PPME1: variants seen among roughly 807,000 people sequenced by gnomAD.
PPME1 encodes protein phosphatase methylesterase 1, also known as testicular secretory protein Li 39.
PPME1 carries 17 observed loss-of-function variants against 56.9 expected under a neutral mutation model. That is an observed-to-expected ratio of 0.30 (90% CI 0.20 to 0.45). The LOEUF is 0.45. PPME1 is among the 20% of genes least tolerant of loss of function. PPME1 has a pLI of 1.00. For synonymous variants in PPME1, 122 were observed against 156.2 expected (o/e 0.78, Z 1.63); for missense variants, 357 against 483.2 (o/e 0.74, Z 2.45).
chr11:74,204,231 A>G (rs1376836559), intron 2 of PPME1, 122 bp from the exon 3 acceptor site: 1 of 688,024 alleles, frequency 1.5e-6, no homozygotes. Flanking sequence ...AAGTCTGCTT[A>G]CATCTCTTAC....
intron 1 of PPME1, among the ~76,000 whole-genome samples, chr11:74,187,968 C>G (rs1301819943): frequency 1.3e-5 from 2 of 152,142 alleles, no homozygotes; most frequent in African/African-American, 4.8e-5. Flanking sequence ...AAGTCAGAGC[C>G]TGAGAGATTT....
At chr11:74,174,490 C>CT (rs929991864) in intron 1 of PPME1, among the ~76,000 whole-genome samples, 1 of 152,204 alleles carries the variant, frequency 6.6e-6, no homozygotes, top group African/African-American at 2.4e-5. Flanking sequence ...TTCTTCCACT[C>CT]TATCTATGTT....
At chr11:74,242,975 C>G (rs761861317) in intron 9 of PPME1, among the ~76,000 whole-genome samples, 13 of 151,262 alleles carry the variant, frequency 8.6e-5, no homozygotes, top group Non-Finnish European at 1.8e-4. Flanking sequence ...TTGGGACTTG[C>G]ATTCAGTCAG....
intron 3 of PPME1, among the ~76,000 whole-genome samples, chr11:74,217,541 C>CAAAAAAAAAAAAAAAAAA (rs61139169): frequency 2.5e-5 from 2 of 79,034 alleles, no homozygotes; most frequent in Non-Finnish European, 2.4e-5. Context: ...GACTCCGTCT[C>CAAAAAAAAAAAAAAAAAA]AAAAAAAAAA....
At chr11:74,215,101 T>G (rs1858594043) in intron 3 of PPME1, among the ~76,000 whole-genome samples, 1 of 152,182 alleles carries the variant, frequency 6.6e-6, no homozygotes, top group African/African-American at 2.4e-5. Flanking sequence ...AATCCCGCAC[T>G]TTGGGAGGCC....
chr11:74,171,333 A>C lies in PPME1; in HGVS notation c.-89A>C. ...TGTCCAAAGGCGACAGGGCGTCGTTAGGGGAGCGAGTCGTGACCGGTTGGG... is the reference window on the plus strand; with the variant it reads ...TGTCCAAAGGCGACAGGGCGTCGTTCGGGGAGCGAGTCGTGACCGGTTGGG... On this transcript the variant is annotated 5_prime_UTR_variant, in exon 1 of 14. Coordinates refer to ENST00000328257, the MANE Select transcript of PPME1 (RefSeq NM_016147.3). 6.6e-7 allele frequency: 1 copy of C among 1,519,360 alleles called. No individual in the cohort carries two copies. The highest frequency in any genetic ancestry group is 8.8e-7 in the Non-Finnish European group (1 of 1,130,974). The allele number at this position is 1,519,360 out of a possible 1,614,324, so 94.1% of individuals were successfully genotyped here. A position where few individuals can be genotyped will look rare whatever the true frequency, so the allele number is the denominator to read the frequency against.
At chr11:74,251,118 C>T in intron 12 of PPME1, 100 bp downstream of exon 12, 1 of 1,530,868 alleles carries the variant, frequency 6.5e-7, no homozygotes, top group Admixed American at 2.0e-5. Context: ...TTGCCTGCAG[C>T]AGCTGCTGTG....
intron 1 of PPME1, among the ~76,000 whole-genome samples, chr11:74,190,749 T>C (rs1857814397): frequency 6.6e-6 from 1 of 152,202 alleles, no homozygotes; most frequent in Non-Finnish European, 1.5e-5. Flanking sequence ...AGGAAAAGTT[T>C]GGAACTTCTT....
chr11:74,251,843 C>T (rs773929044), intron 13 of PPME1, 128 bp downstream of exon 13: 3 of 1,164,484 alleles, frequency 2.6e-6, no homozygotes, highest in African/African-American at 1.5e-5. Flanking sequence ...TCTTCCTCCT[C>T]CTCAGTGAAG....
chr11:74,250,907 A>C, intron 11 of PPME1, 47 bp from the exon 12 acceptor site: 1 of 1,491,204 alleles, frequency 6.7e-7, no homozygotes, highest in Non-Finnish European at 9.2e-7. Context: ...TGCATAAGAG[A>C]GGGCTCTTTT....
chr11:74,204,553 CTATTCCAGGCA>C (rs1858275252), intron 3 of PPME1, 108 bp downstream of exon 3: 1 of 897,900 alleles, frequency 1.1e-6, no homozygotes, highest in African/African-American at 1.7e-5. Context: ...GCAGGAATTG[CTATTCCAGGCA>C]TACACACAGA....
intron 5 of PPME1, among the ~76,000 whole-genome samples, chr11:74,227,284 A>G (rs1192522386): frequency 6.6e-6 from 1 of 152,214 alleles, no homozygotes. Flanking sequence ...CTATTTTTGT[A>G]GAGTAGGCAA....
intron 1 of PPME1, among the ~76,000 whole-genome samples, chr11:74,176,508 A>G (rs1211928872): frequency 1.3e-5 from 2 of 152,056 alleles, no homozygotes; most frequent in South Asian, 2.1e-4. Flanking sequence ...TTTTAAATGT[A>G]CAATTCAGTG....
intron 3 of PPME1, among the ~76,000 whole-genome samples, chr11:74,212,949 CT>C (rs1447699906): frequency 6.6e-6 from 1 of 152,152 alleles, no homozygotes; most frequent in East Asian, 1.9e-4. Context: ...AGGAAGGACT[CT>C]TTCTGATTGA....
intron 3 of PPME1, among the ~76,000 whole-genome samples, chr11:74,219,346 A>C (rs935113032): frequency 1.4e-4 from 22 of 151,940 alleles, no homozygotes; most frequent in Non-Finnish European, 2.5e-4. Context: ...AAAAAAAAAA[A>C]AAAACTAAAA....
chr11:74,194,456 C>G (rs1212604563), intron 1 of PPME1, among the ~76,000 whole-genome samples: 2 of 152,106 alleles, frequency 1.3e-5, no homozygotes, highest in African/African-American at 2.4e-5. Flanking sequence ...GGATTCCCAC[C>G]TTACTTAACT....
In PPME1 at chr11:74,254,220, C is replaced by T. The variant is rs906531880; in HGVS notation, c.*710C>T. Reference sequence around the variant, plus strand: ...GCCAGGCTGCTCCAGGGGCCTCCTGCGCCCTCACCTGCCACAGAGCAACCC... The same window carrying T: ...GCCAGGCTGCTCCAGGGGCCTCCTGTGCCCTCACCTGCCACAGAGCAACCC... On this transcript the variant is annotated 3_prime_UTR_variant, in exon 14 of 14. Coordinates refer to ENST00000328257, the MANE Select transcript of PPME1 (RefSeq NM_016147.3). The T allele has an allele frequency of 3.3e-5, 5 of 153,020 alleles. No homozygotes were observed. The highest frequency in any genetic ancestry group is 9.6e-5 in the African/African-American group (4 of 41,466). The allele number at this position is 153,020 out of a possible 1,614,324, so 9.5% of individuals were successfully genotyped here.
chr11:74,183,188 T>A (rs1857586253), intron 1 of PPME1, among the ~76,000 whole-genome samples: 1 of 152,000 alleles, frequency 6.6e-6, no homozygotes, highest in Admixed American at 6.6e-5. Flanking sequence ...TCCCAGCCAC[T>A]GGAGAGGCTG....
At chr11:74,227,294 A>G (rs910006711) in intron 5 of PPME1, among the ~76,000 whole-genome samples, 1 of 152,204 alleles carries the variant, frequency 6.6e-6, no homozygotes, top group Non-Finnish European at 1.5e-5. Context: ...AGAGTAGGCA[A>G]TGAAGGATGA....
Sources: gnomAD v4.1 joint callset for allele counts (sites outside exome capture counted in the v4.1 genomes callset) on GRCh38, gnomAD v4.1.1 for gene constraint, MANE v1.5 for transcripts, NCBI Gene and HGNC (gene_info 2026-07-23, HGNC 2026-07-21) for gene names.